PDE1C: variants seen among roughly 807,000 people sequenced by gnomAD.
PDE1C encodes the protein phosphodiesterase 1C.
A neutral mutation model predicts 93.1 loss-of-function variants in PDE1C; 62 were observed. The ratio of observed to expected loss-of-function variants is 0.67; its 90% CI spans 0.54 to 0.82. The LOEUF (loss-of-function observed/expected upper bound fraction) is 0.82. Among genes scored for constraint, PDE1C ranks in the 40% least tolerant of loss-of-function variants. The pLI is 0.00. For missense variants in PDE1C, 742 were observed against 884.6 expected (o/e 0.84, Z 2.04); for synonymous variants, 325 against 310.1 (o/e 1.05, Z -0.50).
At chr7:31,964,653 G>C (rs1394204274) in intron 2 of PDE1C, among the ~76,000 whole-genome samples, 1 of 152,226 alleles carries the variant, frequency 6.6e-6, no homozygotes, top group Non-Finnish European at 1.5e-5. Flanking sequence ...CGGGCAGACT[G>C]CCTCCTCAAG....
At chr7:31,632,798 C>T in the PDE1C span, among the ~76,000 whole-genome samples, 112 of 152,274 alleles carry the variant, frequency 7.4e-4, no homozygotes, top group Non-Finnish European at 1.4e-3. Flanking sequence ...TTCAAAAGTA[C>T]AAGACACAAA....
At chr7:32,167,871 T>C (rs1048483947) in intron 3 of PDE1C, among the ~76,000 whole-genome samples, 6 of 152,162 alleles carry the variant, frequency 3.9e-5, no homozygotes, top group Non-Finnish European at 7.4e-5. Context: ...GTAACCTTGA[T>C]TATGCTCTGA....
intron 2 of PDE1C, among the ~76,000 whole-genome samples, chr7:32,032,418 G>T (rs1305722948): frequency 6.6e-6 from 1 of 152,128 alleles, no homozygotes; most frequent in Non-Finnish European, 1.5e-5. Flanking sequence ...CTGCCACTGG[G>T]GCATACCCTG....
chr7:32,304,837 T>G (rs73687126), intron 1 of PDE1C, among the ~76,000 whole-genome samples: 8,742 of 152,188 alleles, frequency 0.057, 871 homozygotes, highest in African/African-American at 0.2. Context: ...ATTTTACTTA[T>G]TATTATTATG....
chr7:31,954,336 G>A (rs547832879), intron 2 of PDE1C, among the ~76,000 whole-genome samples: 2 of 152,162 alleles, frequency 1.3e-5, no homozygotes, highest in South Asian at 2.1e-4. Context: ...AAAACAGAAA[G>A]AGCCTGAGTA....
chr7:32,306,483 C>T (rs1048748649), intron 1 of PDE1C, among the ~76,000 whole-genome samples: 3 of 152,178 alleles, frequency 2.0e-5, no homozygotes, highest in African/African-American at 4.8e-5. Flanking sequence ...GTCCTATCCA[C>T]ACACGACCCC....
intron 3 of PDE1C, among the ~76,000 whole-genome samples, chr7:32,148,637 T>C (rs1173917416): frequency 1.3e-5 from 2 of 152,214 alleles, no homozygotes; most frequent in African/African-American, 4.8e-5. Flanking sequence ...TGTCCACATG[T>C]AACTAATGGC....
At chr7:31,745,055 C>G in the PDE1C span, among the ~76,000 whole-genome samples, 1 of 151,950 alleles carries the variant, frequency 6.6e-6, no homozygotes, top group Non-Finnish European at 1.5e-5. Context: ...GATTTTGGCA[C>G]ATAAAGAGAT....
chr7:32,221,689 TG>T (rs765176463), intron 1 of PDE1C, among the ~76,000 whole-genome samples: 10 of 152,186 alleles, frequency 6.6e-5, no homozygotes, highest in Non-Finnish European at 1.5e-4. Context: ...GTTGTGAAAA[TG>T]CATGCTATGG....
At chr7:32,054,981 TA>T (rs1210821412) in intron 1 of PDE1C, among the ~76,000 whole-genome samples, 1 of 152,222 alleles carries the variant, frequency 6.6e-6, no homozygotes, top group South Asian at 2.1e-4. Context: ...CCAAACTGGG[TA>T]ACACTCCTTC....
At chr7:31,695,711 G>C in the PDE1C span, 8 of 1,378,564 alleles carry the variant, frequency 5.8e-6, no homozygotes, top group East Asian at 9.4e-5. Flanking sequence ...TAAATATTCA[G>C]GTATTTTAAA....
At chr7:32,410,423 G>C (rs544294726) in intron 1 of PDE1C, among the ~76,000 whole-genome samples, 1 of 151,932 alleles carries the variant, frequency 6.6e-6, no homozygotes, top group African/African-American at 2.4e-5. Context: ...AAAAAGAAGA[G>C]GAAGAGGAGG....
intron 1 of PDE1C, among the ~76,000 whole-genome samples, chr7:32,311,746 G>C (rs944105332): frequency 2.0e-5 from 3 of 152,110 alleles, no homozygotes; most frequent in African/African-American, 4.8e-5. Flanking sequence ...GTATTGATGG[G>C]ACGTATCTCA....
At chr7:32,312,571 G>T (rs1187622031) in intron 1 of PDE1C, among the ~76,000 whole-genome samples, 1 of 151,908 alleles carries the variant, frequency 6.6e-6, no homozygotes, top group African/African-American at 2.4e-5. Flanking sequence ...TAGATCAATG[G>T]AACAGAACAG....
the PDE1C span, among the ~76,000 whole-genome samples, chr7:31,664,758 C>T: frequency 6.6e-6 from 1 of 152,178 alleles, no homozygotes. Flanking sequence ...GAGGATATCC[C>T]TGACAAATGG....
At chr7:32,298,788 C>A (rs948957770) in exon 1 of PDE1C, 204 of 1,540,046 alleles carry the variant, frequency 1.3e-4, no homozygotes, top group Admixed American at 3.5e-4. Flanking sequence ...CGTCTGCGGT[C>A]CCCCCCACGG....
At chr7:32,310,613 C>G (rs1783000487) in intron 1 of PDE1C, among the ~76,000 whole-genome samples, 1 of 152,146 alleles carries the variant, frequency 6.6e-6, no homozygotes, top group Non-Finnish European at 1.5e-5. Flanking sequence ...CAAAACTGCT[C>G]AACTACATGG....
At chr7:32,206,098 C>T (rs1176295341) in intron 2 of PDE1C, among the ~76,000 whole-genome samples, 1 of 152,100 alleles carries the variant, frequency 6.6e-6, no homozygotes, top group East Asian at 1.9e-4. Flanking sequence ...CAACGCGGCA[C>T]AGAATTCATA....
At chr7:32,422,737 C>T (rs73309849) in intron 1 of PDE1C, among the ~76,000 whole-genome samples, 4,602 of 152,240 alleles carry the variant, frequency 0.03, 142 homozygotes, top group East Asian at 0.11. Flanking sequence ...TCGCATTGGT[C>T]ATCTTTTCAA....
Sources: gnomAD v4.1 joint callset for allele counts (sites outside exome capture counted in the v4.1 genomes callset) on GRCh38, gnomAD v4.1.1 for gene constraint, MANE v1.5 for transcripts, NCBI Gene and HGNC (gene_info 2026-07-23, HGNC 2026-07-21) for gene names.